The following ENDOV variants were observed in gnomAD, a reference collection of about 807,000 sequenced individuals.
The protein encoded by ENDOV is endonuclease V.
ENDOV carries 37 observed loss-of-function variants against 39.4 expected under a neutral mutation model. The ratio of observed to expected loss-of-function variants is 0.94; its 90% CI spans 0.72 to 1.23. The LOEUF (loss-of-function observed/expected upper bound fraction) is 1.23. Ranked by LOEUF, ENDOV falls within the 50% of genes most tolerant of loss-of-function variation. The probability of loss-of-function intolerance (pLI) is 0.00; values close to 1 mark genes in which losing one functional copy is unlikely to be tolerated. For missense variants in ENDOV, 441 were observed against 375.7 expected, an observed-to-expected ratio of 1.17 and a Z score of -1.44; for synonymous variants, 186 against 163.4, an observed-to-expected ratio of 1.14 and a Z score of -1.05.
At position 80,415,187 on chromosome 17, in the gene ENDOV, A is replaced by G. The variant is rs751647912; in HGVS notation, c.-8A>G. On this transcript the variant is annotated 5_prime_UTR_variant, in exon 1 of 10. Coordinates refer to ENST00000518137, the MANE Select transcript of ENDOV (RefSeq NM_173627.5). ...GTGACGTGCGGAAGGGGTGCCCGGG[A>G]CGAAGCCATGGCCCTGGAGGCGGCG... The G allele has an allele frequency of 2.2e-5, 36 of 1,612,036 alleles. No homozygotes were observed. In the East Asian group the frequency reaches 7.1e-4, roughly 32 times the overall value.
At chr17:80,424,029 C>T (rs2082385843) in intron 5 of ENDOV, 1 of 370,582 alleles carries the variant, frequency 2.7e-6, no homozygotes, top group Non-Finnish European at 4.8e-6. Context: ...GTACCACAGC[C>T]TCCAGGCCCC....
At chr17:80,428,385 TGCCATTGCGGGGCTTTGACCCCAAA>T (rs2082987467) in intron 7 of ENDOV, 186 bp from the exon 8 acceptor site, 1 of 581,638 alleles carries the variant, frequency 1.7e-6, no homozygotes, top group Admixed American at 3.1e-5. Context: ...GTTTGAGAGC[TGCCATTGCGGGGCTTTGACCCCAAA>T]GTCCCAGGCA....
In ENDOV at chr17:80,415,797, G is replaced by T. The variant is rs543693550; in HGVS notation, c.204G>T (p.Val68=). ...GDSVRACASL[V]VLSFPELEVV... ...GTGTCCGCGCTTGTGCTTCCCTGGTGGTGCTCAGCTTCCCTGAGCTCGAGG... is the reference window on the plus strand; with the variant it reads ...GTGTCCGCGCTTGTGCTTCCCTGGTTGTGCTCAGCTTCCCTGAGCTCGAGG... Residue 68 remains valine (V), a synonymous_variant, in exon 2 of 10, where the codon GTG becomes GTT. Coordinates refer to ENST00000518137, the MANE Select transcript of ENDOV (RefSeq NM_173627.5). 9.4e-6 allele frequency: 15 copies of T among 1,600,514 alleles called. No homozygotes were observed. The highest frequency in any genetic ancestry group is 1.3e-5 in the Non-Finnish European group (15 of 1,173,666).
chr17:80,432,856 C>T (rs1431093876), intron 9 of ENDOV, among the ~76,000 whole-genome samples: 2 of 152,082 alleles, frequency 1.3e-5, no homozygotes, highest in South Asian at 2.1e-4. Context: ...TCCACCTCCC[C>T]GAGGGCACTC....
At chr17:80,421,989 G>A in intron 3 of ENDOV, 27 bp downstream of exon 3, 1 of 1,604,284 alleles carries the variant, frequency 6.2e-7, no homozygotes, top group Non-Finnish European at 8.5e-7. Flanking sequence ...TAGGACGAGA[G>A]AAAGGTCCCT....
In ENDOV at chr17:80,436,488, A is replaced by G; in HGVS notation, c.*345A>G. The G allele has an allele frequency of 1.4e-6, 1 of 724,072 alleles. No homozygotes were observed. The highest frequency in any genetic ancestry group is 1.9e-6 in the Non-Finnish European group (1 of 515,232). The allele number at this position is 724,072 out of a possible 1,614,324, so 44.9% of individuals were successfully genotyped here. A position where few individuals can be genotyped will look rare whatever the true frequency, so the allele number is the denominator to read the frequency against. ...TTAAGTGTTTTTATCCTTAAAGGGT[A>G]CTGGATTTTGTCAAATGCTTTTCTG... On this transcript the variant is annotated 3_prime_UTR_variant, in exon 10 of 10. Transcript: ENST00000518137.
intron 8 of ENDOV, among the ~76,000 whole-genome samples, chr17:80,429,238 T>G (rs889293726): frequency 1.3e-5 from 2 of 152,190 alleles, no homozygotes; most frequent in Admixed American, 1.3e-4. Context: ...GTGAGACAAG[T>G]ACTGTGACCC....
In ENDOV at chr17:80,421,962, G is replaced by T; in HGVS notation, c.363G>T (p.Gln121His). The T allele has an allele frequency of 1.2e-6, 2 of 1,608,052 alleles. No homozygotes were observed. The highest frequency in any genetic ancestry group is 1.7e-6 in the Non-Finnish European group (2 of 1,179,622). ...AGAAGGAGCCGGGCCTCATGCCCCAGGCAGGTGTCTCATCCCTAGGACGAG... is the reference window on the plus strand; with the variant it reads ...AGAAGGAGCCGGGCCTCATGCCCCATGCAGGTGTCTCATCCCTAGGACGAG... The part of the protein sequence containing the change: ...LREKEPGLMP[Q>H]VLLVDGNGVL... The change falls in exon 3 of 10, where the codon CAG (glutamine) becomes CAT (histidine). Residue 121 changes from glutamine (Q) to histidine (H), a missense_variant and splice_region_variant. Gln to His is a conservative substitution (Grantham distance 24, BLOSUM62 0). Transcript: ENST00000518137.
At position 80,425,166 on chromosome 17, in the gene ENDOV, A is replaced by T. The variant is rs1490696139; in HGVS notation, c.585+66A>T. On this transcript the variant is annotated intron_variant, in intron 6 of 9. Transcript: ENST00000518137. ...TAGGGGATCCTTTGCAGGCAGACAC[A>T]GGTGCATGCAGACACGCGTGCACTC... The T allele has an allele frequency of 1.7e-5, 24 of 1,387,582 alleles. No individual in the cohort carries two copies. The East Asian group carries it at 5.9e-4, about 34-fold the overall frequency. The allele number at this position is 1,387,582 out of a possible 1,614,324, so 86.0% of individuals were successfully genotyped here.
Position 80,422,241 on chromosome 17 carries a change from C to G in ENDOV, c.399C>G (p.His133Gln). ...LLVDGNGVLHHRGFGVACHLG... is the reference protein window; with the variant it reads ...LLVDGNGVLHQRGFGVACHLG... ...TGGATGGAAACGGGGTACTCCACCA[C>G]CGAGGTAATCCTGCTCTTGGAGGTC... The change falls in exon 4 of 10, where the codon CAC becomes CAG. Residue 133 changes from histidine (H) to glutamine (Q), a missense_variant. His to Gln is a conservative substitution (Grantham distance 24). Coordinates refer to ENST00000518137, the MANE Select transcript of ENDOV (RefSeq NM_173627.5). 6.2e-7 allele frequency: 1 copy of G among 1,613,674 alleles called. No individual in the cohort carries two copies. The highest frequency in any genetic ancestry group is 8.5e-7 in the Non-Finnish European group (1 of 1,179,826).
chr17:80,434,046 A>G (rs532045641), intron 9 of ENDOV, among the ~76,000 whole-genome samples: 2 of 152,272 alleles, frequency 1.3e-5, no homozygotes, highest in Admixed American at 6.5e-5. Flanking sequence ...CCCCATATCC[A>G]TTAGTAGTCA....
At chr17:80,417,611 C>T (rs2081379131) in intron 2 of ENDOV, 1 of 152,198 alleles carries the variant, frequency 6.6e-6, no homozygotes, top group Non-Finnish European at 1.5e-5. Flanking sequence ...ATCCACTCAC[C>T]TCCCTAGAGG....
intron 2 of ENDOV, chr17:80,417,928 C>A (rs2081425332): frequency 2.0e-5 from 3 of 152,230 alleles, no homozygotes; most frequent in Admixed American, 1.3e-4. Context: ...CGCATTGCTC[C>A]TCTGCTGACT....
chr17:80,419,533 G>A, intron 2 of ENDOV: 1 of 700,412 alleles, frequency 1.4e-6, no homozygotes, highest in Middle Eastern at 2.3e-4. Flanking sequence ...TGGCTAGTGT[G>A]TTCTGCTCCG....
rs368567888 is a variant in ENDOV at position 80,436,167 on chromosome 17, C to T, written c.*24C>T. 2.6e-5 allele frequency: 41 copies of T among 1,595,444 alleles called. No individual in the cohort carries two copies. In the African/African-American group the frequency reaches 5.1e-4, roughly 20 times the overall value. On this transcript the variant is annotated 3_prime_UTR_variant, in exon 10 of 10. Coordinates refer to ENST00000518137, the MANE Select transcript of ENDOV (RefSeq NM_173627.5). ...GAACGTGGTGGTGAGAGCACACGTCCTCGTCTCATTCCTGATCGAACGCGG... is the reference window on the plus strand; with the variant it reads ...GAACGTGGTGGTGAGAGCACACGTCTTCGTCTCATTCCTGATCGAACGCGG...
At chr17:80,418,112 A>T (rs1056013391) in intron 2 of ENDOV, 1 of 152,086 alleles carries the variant, frequency 6.6e-6, no homozygotes, top group African/African-American at 2.4e-5. Context: ...TAGCATAGGG[A>T]GTGGGGACAC....
chr17:80,434,943 C>CA (rs1056845328), intron 9 of ENDOV, among the ~76,000 whole-genome samples: 10 of 150,648 alleles, frequency 6.6e-5, no homozygotes, highest in East Asian at 3.9e-4. Flanking sequence ...GACCCTGCCT[C>CA]AAAAAAAAAG....
chr17:80,423,502 C>G lies in ENDOV; in HGVS notation c.404-18C>G, dbSNP rs917297714. On this transcript the variant is annotated intron_variant, in intron 4 of 9. Transcript: ENST00000518137. ...CCAGCCCCACCTCCCCAACCCCACC[C>G]TCCTTTCTCTCTGGCAGGCTTTGGG... The G allele has an allele frequency of 9.7e-6, 15 of 1,545,738 alleles. No homozygotes were observed. Among genetic ancestry groups the G allele is most frequent in the Non-Finnish European group, 1.3e-5 (15 of 1,144,004 alleles).
intron 6 of ENDOV, among the ~76,000 whole-genome samples, 188 bp downstream of exon 6, chr17:80,425,288 G>A (rs780282205): frequency 9.9e-5 from 15 of 152,192 alleles, no homozygotes; most frequent in Non-Finnish European, 1.6e-4. Context: ...TCCTCCAGCC[G>A]TGCTGAGGGA....
Sources: gnomAD v4.1 joint callset for allele counts (sites outside exome capture counted in the v4.1 genomes callset) on GRCh38, gnomAD v4.1.1 for gene constraint, MANE v1.5 for transcripts, NCBI Gene and HGNC (gene_info 2026-07-23, HGNC 2026-07-21) for gene names.